The following TNRC6A variants were observed in gnomAD, a reference collection of about 807,000 sequenced individuals.
TNRC6A encodes the protein trinucleotide repeat containing adaptor 6A.
A neutral mutation model predicts 221.2 loss-of-function variants in TNRC6A; 44 were observed. The ratio of observed to expected loss-of-function variants is 0.20; its 90% CI spans 0.16 to 0.26. The LOEUF is 0.26. Among genes scored for constraint, TNRC6A ranks in the 10% least tolerant of loss-of-function variants. The pLI, the probability that TNRC6A is intolerant of heterozygous loss-of-function variation, is 1.00. For synonymous variants in TNRC6A, 847 were observed against 838.5 expected (o/e 1.01, Z -0.18); for missense variants, 2,199 against 2,404.4 (o/e 0.91, Z 1.79).
chr16:24,775,125 A>C (rs1464953689), intron 4 of TNRC6A, among the ~76,000 whole-genome samples: 1 of 152,136 alleles, frequency 6.6e-6, no homozygotes, highest in Non-Finnish European at 1.5e-5. Flanking sequence ...AGTGTTTTTG[A>C]TAGCCAGTGT....
At chr16:24,821,712 GAC>G (rs2058769352) in intron 22 of TNRC6A, 1 of 198,630 alleles carries the variant, frequency 5.0e-6, no homozygotes. Context: ...TGCCCTGAAG[GAC>G]ACACACGCAG....
Position 24,715,534 on chromosome 16 carries a change from G to C in TNRC6A, n.403-35192G>C, listed in dbSNP as rs188170411. On this transcript the variant is annotated intron_variant and non_coding_transcript_variant, in intron 2 of 2. Coordinates refer to the TNRC6A transcript ENST00000566108. ...CTGATGGGATCAGAAATTATTCCAA[G>C]CTCTCTGTGAGTCCCAGATACTGTT... 1.2e-3 allele frequency among the ~76,000 whole-genome samples: 175 copies of C among 151,752 alleles called. 1 individual carries two copies. Among genetic ancestry groups the C allele is most frequent in the Middle Eastern group, 3.4e-3 (1 of 294 alleles).
At chr16:24,671,521 C>T (rs1454171107) in intron 2 of TNRC6A, among the ~76,000 whole-genome samples, 1 of 152,220 alleles carries the variant, frequency 6.6e-6, no homozygotes, top group Non-Finnish European at 1.5e-5. Flanking sequence ...CTGCACTAGG[C>T]GCTGTGCAGG....
upstream of TNRC6A, among the ~76,000 whole-genome samples, chr16:24,729,377 AAAG>A (rs1360371862): frequency 1.4e-5 from 2 of 145,862 alleles, no homozygotes; most frequent in East Asian, 2.1e-4. Flanking sequence ...GTGTCGCAGC[AAAG>A]AAGGAGGAGG....
At chr16:24,618,918 C>T (rs546129788) in intron 1 of TNRC6A, among the ~76,000 whole-genome samples, 1 of 152,190 alleles carries the variant, frequency 6.6e-6, no homozygotes, top group South Asian at 2.1e-4. Flanking sequence ...GTGTGAGCTA[C>T]GGTTCCTGGC....
chr16:24,742,796 A>G (rs1260121766), intron 2 of TNRC6A, among the ~76,000 whole-genome samples: 1 of 152,104 alleles, frequency 6.6e-6, no homozygotes, highest in Non-Finnish European at 1.5e-5. Context: ...GGTGGCAGGT[A>G]CCTGTAGTCC....
rs143791958 is a variant in TNRC6A, at chr16:24,790,626, G to T, written c.1984G>T (p.Val662Leu). 2.2e-5 allele frequency: 36 copies of T among 1,614,230 alleles called. No individual in the cohort carries two copies. In the African/African-American group the frequency reaches 4.0e-4, roughly 18 times the overall value. ...ATCTCAGACAAATGAGCAAAGCAGT[G>T]TGTGGGCCAAAACAGGAGGTACAGT... The part of the protein sequence containing the change: ...ATSQTNEQSS[V>L]WAKTGGTVES... The change falls in exon 6 of 25, where the codon GTG becomes TTG. Residue 662 changes from valine to leucine, a missense_variant. Around this residue, in one of 8 missense-constraint regions of TNRC6A, gnomAD observed 1,405 missense variants for 1,400.2 expected, o/e 1.00. Transcript: ENST00000395799.
chr16:24,630,480 G>A (rs993704089), intron 1 of TNRC6A, among the ~76,000 whole-genome samples: 3 of 152,114 alleles, frequency 2.0e-5, no homozygotes, highest in East Asian at 1.9e-4. Context: ...CCTGGGCAAC[G>A]TAGTGAGAAC....
At chr16:24,692,975 C>T (rs576060167) in intron 2 of TNRC6A, among the ~76,000 whole-genome samples, 10 of 152,164 alleles carry the variant, frequency 6.6e-5, no homozygotes, top group African/African-American at 1.9e-4. Context: ...TATTTACATT[C>T]GGGTAAACCG....
chr16:24,684,065 C>A (rs2055581639), intron 2 of TNRC6A, among the ~76,000 whole-genome samples: 1 of 152,116 alleles, frequency 6.6e-6, no homozygotes, highest in African/African-American at 2.4e-5. Context: ...GCAAAAGCAC[C>A]CATGACAATC....
intron 2 of TNRC6A, among the ~76,000 whole-genome samples, chr16:24,707,379 C>CAT (rs2056117891): frequency 7.0e-6 from 1 of 143,022 alleles, no homozygotes; most frequent in Admixed American, 7.0e-5. Flanking sequence ...CACACACACA[C>CAT]ATCTTAAATA....
chr16:24,634,790 T>C (rs1184475991), intron 1 of TNRC6A, among the ~76,000 whole-genome samples: 2 of 152,140 alleles, frequency 1.3e-5, no homozygotes, highest in Non-Finnish European at 2.9e-5. Context: ...ACCTTACCAA[T>C]CTTAGCCCTT....
chr16:24,617,972 C>T (rs1900458564), intron 1 of TNRC6A, among the ~76,000 whole-genome samples: 1 of 152,166 alleles, frequency 6.6e-6, no homozygotes, highest in Admixed American at 6.6e-5. Context: ...ATGATCTCAG[C>T]TCGTAACCTC....
At chr16:24,655,582 G>T (rs141011741) in intron 2 of TNRC6A, among the ~76,000 whole-genome samples, 4 of 151,910 alleles carry the variant, frequency 2.6e-5, no homozygotes, top group Non-Finnish European at 5.9e-5. Flanking sequence ...CCAGCTACTC[G>T]GGAGGCTGAA....
At chr16:24,770,228 A>G (rs908804379) in intron 4 of TNRC6A, among the ~76,000 whole-genome samples, 2 of 152,240 alleles carry the variant, frequency 1.3e-5, no homozygotes, top group African/African-American at 4.8e-5. Flanking sequence ...GTGGTAGAAG[A>G]GAATGCAGTG....
intron 2 of TNRC6A, among the ~76,000 whole-genome samples, chr16:24,708,570 A>G (rs2056144251): frequency 6.6e-6 from 1 of 151,948 alleles, no homozygotes; most frequent in African/African-American, 2.4e-5. Context: ...GTGAATTCTG[A>G]GACTTTGGTG....
chr16:24,726,857 C>T (rs928290014), upstream of TNRC6A, among the ~76,000 whole-genome samples: 1 of 152,122 alleles, frequency 6.6e-6, no homozygotes, highest in African/African-American at 2.4e-5. Flanking sequence ...CATAAGGAAT[C>T]AGTGCTGATC....
intron 21 of TNRC6A, among the ~76,000 whole-genome samples, chr16:24,819,156 C>T (rs2058714224): frequency 3.3e-5 from 5 of 152,188 alleles, no homozygotes; most frequent in Non-Finnish European, 7.3e-5. Context: ...TTTCTGGACT[C>T]GTCCTGCAGC....
chr16:24,624,169 A>C (rs1900835887), intron 1 of TNRC6A, among the ~76,000 whole-genome samples: 1 of 152,100 alleles, frequency 6.6e-6, no homozygotes, highest in South Asian at 2.1e-4. Flanking sequence ...ATCCGTCAGC[A>C]GGCTCGCCCA....
Sources: gnomAD v4.1 joint callset for allele counts (sites outside exome capture counted in the v4.1 genomes callset) on GRCh38, gnomAD v4.1.1 for gene constraint, gnomAD v4.1.1 regional missense constraint, MANE v1.5 for transcripts, NCBI Gene and HGNC (gene_info 2026-07-23, HGNC 2026-07-21) for gene names.